Variants in MTUS2 observed in about 807,000 individuals in gnomAD.
The protein encoded by MTUS2 is microtubule associated scaffold protein 2.
MTUS2 carries 40 observed loss-of-function variants against 114.1 expected under a neutral mutation model. The ratio of observed to expected loss-of-function variants is 0.35; its 90% CI spans 0.27 to 0.46. The LOEUF (loss-of-function observed/expected upper bound fraction) is 0.46. Among genes scored for constraint, MTUS2 ranks in the 20% least tolerant of loss-of-function variants. The pLI, the probability that MTUS2 is intolerant of heterozygous loss-of-function variation, is 1.00. For synonymous variants in MTUS2, 688 were observed against 672.0 expected, an observed-to-expected ratio of 1.02 and a Z score of -0.37; for missense variants, 1,679 against 1,705.4, an observed-to-expected ratio of 0.98 and a Z score of 0.27.
At chr13:29,301,390 C>T (rs1899198539) in intron 6 of MTUS2, among the ~76,000 whole-genome samples, 1 of 152,192 alleles carries the variant, frequency 6.6e-6, no homozygotes, top group Admixed American at 6.5e-5. Flanking sequence ...TGCCTACAAC[C>T]TGGGAAAAAC....
intron 2 of MTUS2, among the ~76,000 whole-genome samples, chr13:28,988,931 G>A (rs1009060457): frequency 1.3e-5 from 2 of 152,196 alleles, no homozygotes; most frequent in African/African-American, 4.8e-5. Context: ...ATGAGAACAA[G>A]CCTCTTTCCA....
chr13:29,406,142 T>C lies in MTUS2; in HGVS notation c.3118-33841T>C, dbSNP rs539954480. Among the ~76,000 whole-genome samples the C allele has an allele frequency of 1.5e-3, 235 of 152,290 alleles. 1 individual carries two copies. Among genetic ancestry groups the C allele is most frequent in the South Asian group, 8.7e-3 (42 of 4,816 alleles). On this transcript the variant is annotated intron_variant, in intron 8 of 15. Transcript: ENST00000612955. The stretch of plus-strand genomic sequence containing the variant: ...ATAGAGGCATAGCCTGCTGTGCACC[T>C]CTCCATGATCCTGTGACCGTCCCTT...
chr13:29,000,946 T>C (rs535704109), intron 2 of MTUS2, among the ~76,000 whole-genome samples: 1 of 152,284 alleles, frequency 6.6e-6, no homozygotes, highest in South Asian at 2.1e-4. Flanking sequence ...AGTGCAGAGA[T>C]GGTTGTTCCC....
In MTUS2 at chr13:29,345,274, C is replaced by G. The variant is rs1868552947; in HGVS notation, c.2906-13988C>G. The stretch of plus-strand genomic sequence containing the variant: ...GTTTTCCAAACTTCCAGATGTCTTT[C>G]CTTTCTCAGAAACACCAATTATTGT... On this transcript the variant is annotated intron_variant, in intron 7 of 15. Coordinates refer to ENST00000612955, the MANE Select transcript of MTUS2 (RefSeq NM_001033602.4). Among the ~76,000 whole-genome samples the G allele has an allele frequency of 3.3e-5, 5 of 152,196 alleles. 1 individual carries two copies. In the South Asian group the frequency reaches 1.0e-3, roughly 32 times the overall value.
At chr13:29,141,987 G>A (rs944713890) in intron 5 of MTUS2, among the ~76,000 whole-genome samples, 1 of 151,644 alleles carries the variant, frequency 6.6e-6, no homozygotes, top group Non-Finnish European at 1.5e-5. Context: ...AGCCTCCCGA[G>A]TAGCTGGGAC....
intron 5 of MTUS2, among the ~76,000 whole-genome samples, chr13:29,180,802 A>T (rs1328672647): frequency 1.3e-5 from 2 of 152,102 alleles, no homozygotes; most frequent in African/African-American, 4.8e-5. Flanking sequence ...CGCCTATGAG[A>T]GGGTTGTCCG....
At chr13:29,428,742 C>G (rs1488214734) in intron 8 of MTUS2, 5 of 1,581,538 alleles carry the variant, frequency 3.2e-6, no homozygotes, top group Non-Finnish European at 4.3e-6. Context: ...TGTGACAGCT[C>G]CCAGCGGCGC....
At chr13:28,820,019 T>TACCGCTCGGGCCCGCTCGCCGCCC (rs1873775918), upstream of MTUS2, among the ~76,000 whole-genome samples, 4 of 146,906 alleles carry the variant, frequency 2.7e-5, no homozygotes, top group Admixed American at 2.7e-4. Context: ...CCGCGCCGCC[T>TACCGCTCGGGCCCGCTCGCCGCCC]ACCGCTCGGG....
chr13:29,110,448 T>A (rs543369312), intron 5 of MTUS2, among the ~76,000 whole-genome samples: 7 of 152,322 alleles, frequency 4.6e-5, no homozygotes, highest in African/African-American at 1.7e-4. Context: ...AGCTTCTGAT[T>A]TCCTCTGGAA....
chr13:29,144,667 G>C (rs1892359545), intron 5 of MTUS2, among the ~76,000 whole-genome samples: 1 of 152,270 alleles, frequency 6.6e-6, no homozygotes, highest in South Asian at 2.1e-4. Flanking sequence ...TGCCACATGG[G>C]CTTGCTCAAC....
intron 5 of MTUS2, among the ~76,000 whole-genome samples, chr13:29,263,510 A>G (rs1897552689): frequency 6.6e-6 from 1 of 152,186 alleles, no homozygotes; most frequent in African/African-American, 2.4e-5. Context: ...TAAGAAACTA[A>G]TAAAGAAAGG....
Position 29,005,866 on chromosome 13 carries a change from T to C in MTUS2, c.-242-18591T>C, listed in dbSNP as rs186824695. ...ATCTGCTCTCTAGGAATATGCTCCATGGATGTAATGTTGAAAAGGAATAGT... is the reference window on the plus strand; with the variant it reads ...ATCTGCTCTCTAGGAATATGCTCCACGGATGTAATGTTGAAAAGGAATAGT... On this transcript the variant is annotated intron_variant, in intron 2 of 15. Coordinates refer to ENST00000612955, the MANE Select transcript of MTUS2 (RefSeq NM_001033602.4). Among the ~76,000 whole-genome samples, 8 of 152,352 alleles carry C rather than the reference T, an allele frequency of 5.3e-5. 1 individual carries two copies. The Middle Eastern group carries it at 0.01, about 194-fold the overall frequency.
chr13:29,246,895 TA>T (rs56102503), intron 5 of MTUS2, among the ~76,000 whole-genome samples: 95,578 of 136,750 alleles, frequency 0.7, 32,355 homozygotes, highest in Admixed American at 0.78. Flanking sequence ...TTCACATAAC[TA>T]AAAAAAAAAA....
At chr13:29,223,792 A>G (rs1301181688) in intron 5 of MTUS2, among the ~76,000 whole-genome samples, 1 of 152,212 alleles carries the variant, frequency 6.6e-6, no homozygotes, top group African/African-American at 2.4e-5. Context: ...GGAGTCCAGA[A>G]CTAGGAGCTC....
At chr13:29,378,702 G>T (rs1388318716) in intron 8 of MTUS2, among the ~76,000 whole-genome samples, 1 of 152,128 alleles carries the variant, frequency 6.6e-6, no homozygotes, top group Non-Finnish European at 1.5e-5. Context: ...GCTAGGAAAG[G>T]GAATCACAAG....
intron 5 of MTUS2, among the ~76,000 whole-genome samples, chr13:29,194,778 A>G (rs1020460363): frequency 3.3e-5 from 5 of 152,038 alleles, no homozygotes; most frequent in African/African-American, 9.7e-5. Flanking sequence ...TCATGCTGCT[A>G]TAAAGACACA....
At chr13:29,483,407 T>C (rs903946088) in intron 10 of MTUS2, among the ~76,000 whole-genome samples, 2 of 152,250 alleles carry the variant, frequency 1.3e-5, no homozygotes, top group Non-Finnish European at 2.9e-5. Context: ...TCACAGGGCA[T>C]GGGCTGGCTC....
At chr13:29,135,240 A>C (rs1891929660) in intron 5 of MTUS2, among the ~76,000 whole-genome samples, 1 of 152,206 alleles carries the variant, frequency 6.6e-6, no homozygotes, top group African/African-American at 2.4e-5. Flanking sequence ...TTCACTGGGA[A>C]TATAGGAATG....
intron 15 of MTUS2, among the ~76,000 whole-genome samples, chr13:29,501,902 C>T (rs533241710): frequency 1.1e-4 from 16 of 152,332 alleles, no homozygotes; most frequent in East Asian, 5.8e-4. Context: ...CATACACTTA[C>T]GCACACACTC....
Sources: gnomAD v4.1 joint callset for allele counts (sites outside exome capture counted in the v4.1 genomes callset) on GRCh38, gnomAD v4.1.1 for gene constraint, MANE v1.5 for transcripts, NCBI Gene and HGNC (gene_info 2026-07-23, HGNC 2026-07-21) for gene names.